The following SHANK2 variants were observed in gnomAD, a reference collection of about 807,000 sequenced individuals.
SHANK2 encodes the protein SH3 and multiple ankyrin repeat domains protein 2.
SHANK2 carries 43 observed loss-of-function variants against 133.7 expected under a neutral mutation model. The ratio of observed to expected loss-of-function variants is 0.32; its 90% CI spans 0.25 to 0.41. The LOEUF (loss-of-function observed/expected upper bound fraction) is 0.41. Among genes scored for constraint, SHANK2 ranks in the 10% least tolerant of loss-of-function variants. The probability of loss-of-function intolerance (pLI) is 1.00; values close to 1 mark genes in which losing one functional copy is unlikely to be tolerated. For synonymous variants in SHANK2, 1,017 were observed against 952.8 expected (o/e 1.07, Z -1.24); for missense variants, 1,994 against 2,235.8 (o/e 0.89, Z 2.18).
chr11:71,110,088 G>A (rs1296287773), intron 5 of SHANK2, 39 bp from the exon 6 acceptor site: 3 of 1,421,876 alleles, frequency 2.1e-6, no homozygotes, highest in Non-Finnish European at 2.9e-6. Flanking sequence ...ATCTTTATAA[G>A]AAATGTCCCA....
intron 2 of SHANK2, among the ~76,000 whole-genome samples, chr11:71,154,229 G>C (rs144325653): frequency 6.6e-6 from 1 of 152,172 alleles, no homozygotes. Flanking sequence ...ATTTAAACTC[G>C]GGGTCAAACG....
chr11:70,798,387 G>C (rs1258827157), intron 14 of SHANK2, 56 bp downstream of exon 14: 1 of 712,996 alleles, frequency 1.4e-6, no homozygotes, highest in Non-Finnish European at 2.6e-6. Flanking sequence ...CACCGACCAC[G>C]GGCCTGAGAT....
intron 9 of SHANK2, among the ~76,000 whole-genome samples, chr11:71,064,773 G>A (rs996530216): frequency 6.6e-6 from 1 of 152,092 alleles, no homozygotes; most frequent in African/African-American, 2.4e-5. Flanking sequence ...AGGTGGCCAG[G>A]TTTCGGGCCT....
chr11:70,805,267 T>C (rs1948134363), intron 13 of SHANK2, among the ~76,000 whole-genome samples: 2 of 152,162 alleles, frequency 1.3e-5, no homozygotes, highest in African/African-American at 4.8e-5. Context: ...TTCTCCTCTT[T>C]ACAATAGGGA....
chr11:71,168,696 G>A (rs948072863), intron 2 of SHANK2, among the ~76,000 whole-genome samples: 5 of 152,144 alleles, frequency 3.3e-5, no homozygotes, highest in Admixed American at 1.3e-4. Flanking sequence ...GTGGCGGCGC[G>A]CGCCTGCAAT....
intron 17 of SHANK2, among the ~76,000 whole-genome samples, chr11:70,515,432 T>C (rs2059251231): frequency 1.3e-5 from 2 of 152,176 alleles, no homozygotes; most frequent in South Asian, 4.1e-4. Context: ...TCTAATTTTA[T>C]TATCTTCTTC....
At chr11:71,093,363 C>T (rs782159298) in intron 7 of SHANK2, among the ~76,000 whole-genome samples, 1 of 152,244 alleles carries the variant, frequency 6.6e-6, no homozygotes, top group East Asian at 1.9e-4. Flanking sequence ...TCCTGATTTC[C>T]GAGGAAGCCA....
intron 17 of SHANK2, among the ~76,000 whole-genome samples, chr11:70,659,161 G>A (rs1423780844): frequency 1.3e-5 from 2 of 152,138 alleles, no homozygotes; most frequent in African/African-American, 4.8e-5. Flanking sequence ...CCAACCGTAG[G>A]GACTGTTTGC....
At chr11:70,694,102 G>A (rs1161134026) in intron 15 of SHANK2, among the ~76,000 whole-genome samples, 1 of 152,198 alleles carries the variant, frequency 6.6e-6, no homozygotes, top group Non-Finnish European at 1.5e-5. Flanking sequence ...TTTGGTTAAC[G>A]AGGAGTGGGA....
chr11:70,714,063 C>T (rs1241116376), intron 14 of SHANK2, among the ~76,000 whole-genome samples: 3 of 152,244 alleles, frequency 2.0e-5, no homozygotes, highest in Non-Finnish European at 4.4e-5. Flanking sequence ...TCCCAGCCTC[C>T]CTCCAGGAGT....
chr11:71,147,775 T>A (rs1445826783), intron 2 of SHANK2, among the ~76,000 whole-genome samples: 1 of 152,202 alleles, frequency 6.6e-6, no homozygotes, highest in Admixed American at 6.5e-5. Context: ...GGAAGAAACA[T>A]GGGCTTCAGG....
chr11:71,135,155 C>T (rs1394325615), intron 3 of SHANK2, among the ~76,000 whole-genome samples: 1 of 152,128 alleles, frequency 6.6e-6, no homozygotes, highest in South Asian at 2.1e-4. Context: ...CAAGCAAAGA[C>T]CCTCTCCCAT....
intron 12 of SHANK2, among the ~76,000 whole-genome samples, chr11:70,819,141 G>A (rs1373139692): frequency 6.6e-6 from 1 of 152,250 alleles, no homozygotes; most frequent in Non-Finnish European, 1.5e-5. Context: ...AGCACTGAAT[G>A]CCGACATCAC....
At position 71,113,325 on chromosome 11, in the gene SHANK2, C is replaced by A. The variant is rs967203648; in HGVS notation, c.451G>T (p.Asp151Tyr). The change falls in exon 5 of 26, where the codon GAT becomes TAT. Residue 151 changes from aspartate to tyrosine, a missense_variant. Physicochemically the swap from Asp to Tyr is radical, Grantham distance 160 (BLOSUM62 -3). Coordinates refer to ENST00000601538, the MANE Select transcript of SHANK2 (RefSeq NM_012309.5). ...KKRVYKQASL[D>Y]EKQLAKLHTK... ...TGGAGCTTGGCCAACTGTTTCTCATCGAGACTGGCTTGTTTATACACCCGC... is the reference window on the plus strand; with the variant it reads ...TGGAGCTTGGCCAACTGTTTCTCATAGAGACTGGCTTGTTTATACACCCGC... 2.8e-5 allele frequency: 44 copies of A among 1,551,540 alleles called. No homozygotes were observed. Among genetic ancestry groups the A allele is most frequent in the Middle Eastern group, 1.7e-4 (1 of 6,014 alleles).
intron 10 of SHANK2, among the ~76,000 whole-genome samples, chr11:70,915,724 G>C (rs535819565): frequency 2.2e-4 from 34 of 152,350 alleles, no homozygotes; most frequent in African/African-American, 7.7e-4. Context: ...GGGACGGACG[G>C]GATGATGGAG....
In SHANK2 at chr11:71,193,227, G is replaced by A. The variant is rs144607297; in HGVS notation, c.-13+31470C>T. On this transcript the variant is annotated intron_variant, in intron 2 of 25. Coordinates refer to ENST00000601538, the MANE Select transcript of SHANK2 (RefSeq NM_012309.5). The stretch of plus-strand genomic sequence containing the variant: ...GTGATGGTCACACTCACCAGAACCG[G>A]CTGAGAGGGCTTCTGTGGTGGGTCT... Among the ~76,000 whole-genome samples, 542 of 152,316 alleles carry A rather than the reference G, an allele frequency of 3.6e-3. 1 individual carries two copies. Among genetic ancestry groups the A allele is most frequent in the African/African-American group, 0.012 (515 of 41,576 alleles).
At chr11:70,859,239 G>T (rs1460652266) in intron 11 of SHANK2, among the ~76,000 whole-genome samples, 1 of 152,148 alleles carries the variant, frequency 6.6e-6, no homozygotes, top group African/African-American at 2.4e-5. Flanking sequence ...GAATAGATGT[G>T]TAGATAAGTA....
chr11:71,140,844 C>T (rs12278819), intron 3 of SHANK2, among the ~76,000 whole-genome samples: 13 of 152,190 alleles, frequency 8.5e-5, no homozygotes, highest in Non-Finnish European at 1.3e-4. Context: ...TCCCACGCAG[C>T]GCTGCCTGCT....
At chr11:70,532,877 A>G (rs962607153) in intron 17 of SHANK2, among the ~76,000 whole-genome samples, 23 of 151,936 alleles carry the variant, frequency 1.5e-4, no homozygotes, top group Non-Finnish European at 2.6e-4. Flanking sequence ...GGACAGAGGG[A>G]TGAATAACAC....
Sources: gnomAD v4.1 joint callset for allele counts (sites outside exome capture counted in the v4.1 genomes callset) on GRCh38, gnomAD v4.1.1 for gene constraint, MANE v1.5 for transcripts, NCBI Gene and HGNC (gene_info 2026-07-23, HGNC 2026-07-21) for gene names.